RCHY1: variants seen among roughly 807,000 people sequenced by gnomAD.
The protein encoded by RCHY1 is ring finger and CHY zinc finger domain containing 1.
Under a neutral mutation model 41.6 loss-of-function variants are expected in RCHY1, and 21 were observed. That is an observed-to-expected ratio of 0.51 (90% CI 0.36 to 0.73). RCHY1 has a LOEUF of 0.73. Among genes scored for constraint, RCHY1 ranks in the 30% least tolerant of loss-of-function variants. The pLI is 0.00. For synonymous variants in RCHY1, 79 were observed against 102.9 expected (o/e 0.77, Z 1.41); for missense variants, 265 against 325.3 (o/e 0.81, Z 1.43).
intron 3 of RCHY1, among the ~76,000 whole-genome samples, chr4:75,497,714 C>T (rs545537899): frequency 2.7e-4 from 41 of 150,890 alleles, no homozygotes; most frequent in Middle Eastern, 3.4e-3. Flanking sequence ...GGAGGAGGAC[C>T]GAAAAAACAT....
intron 3 of RCHY1, among the ~76,000 whole-genome samples, chr4:75,506,804 C>T (rs1452871475): frequency 6.6e-6 from 1 of 151,868 alleles, no homozygotes; most frequent in Non-Finnish European, 1.5e-5. Context: ...GCTACAAACC[C>T]CAAGCCAGAT....
At chr4:75,493,057 A>G (rs757183752) in intron 4 of RCHY1, among the ~76,000 whole-genome samples, 1 of 151,990 alleles carries the variant, frequency 6.6e-6, no homozygotes, top group Non-Finnish European at 1.5e-5. Flanking sequence ...CACACACTAC[A>G]CATGCTTTGG....
intron 7 of RCHY1, chr4:75,491,355 A>G (rs945175828): frequency 1.5e-5 from 5 of 334,270 alleles, no homozygotes; most frequent in African/African-American, 1.1e-4. Flanking sequence ...CCTGGTATAT[A>G]TGGCCAGAAA....
chr4:75,495,158 C>T (rs1175804562), intron 3 of RCHY1, among the ~76,000 whole-genome samples: 1 of 151,792 alleles, frequency 6.6e-6, no homozygotes, highest in Admixed American at 6.6e-5. Flanking sequence ...TGTGATTTCT[C>T]TTAACTTTGT....
At chr4:75,505,413 T>G (rs1334640533) in intron 3 of RCHY1, among the ~76,000 whole-genome samples, 2 of 152,202 alleles carry the variant, frequency 1.3e-5, no homozygotes, top group African/African-American at 4.8e-5. Context: ...ATATTTACCA[T>G]GTAGCATGAG....
chr4:75,510,280 C>T (rs1047373378), intron 1 of RCHY1, among the ~76,000 whole-genome samples: 1 of 152,146 alleles, frequency 6.6e-6, no homozygotes, highest in Admixed American at 6.5e-5. Flanking sequence ...TGGAGCAAAG[C>T]CTCATCACCA....
rs184241189 is a variant in RCHY1, at chr4:75,480,068, G to C, written c.*2470C>G. ...AAGGGATGTAGATTTTATTCTTATT[G>C]TGAATGAGAAGTGTTGAAGGATTTT... is the stretch of plus-strand genomic sequence containing the variant. On this transcript the variant is annotated 3_prime_UTR_variant, in exon 9 of 9. Coordinates refer to ENST00000324439, the MANE Select transcript of RCHY1 (RefSeq NM_015436.4). The C allele has an allele frequency of 1.1e-3, 163 of 152,248 alleles. 1 individual carries two copies. The highest frequency in any genetic ancestry group is 3.8e-3 in the African/African-American group (157 of 41,556). The allele number at this position is 152,248 out of a possible 1,614,324, so 9.4% of individuals were successfully genotyped here. A position where few individuals can be genotyped will look rare whatever the true frequency, so the allele number is the denominator to read the frequency against.
In RCHY1 at chr4:75,514,261, C is replaced by T. The variant is rs376594181; in HGVS notation, c.26G>A (p.Gly9Asp). ...CTGACCTCGCTCTTGACCGCTGGCG[C>T]CATCTTCCCGGGCCGTCGCCGCCAT... MAATARED[G>D]ASGQERGQRG... Residue 9 changes from glycine (G) to aspartate (D), a missense_variant, in exon 1 of 9, where the codon GGC (glycine) becomes GAC (aspartate). Gly to Asp is a moderately conservative substitution (Grantham distance 94). Transcript: ENST00000324439. 9.9e-6 allele frequency: 16 copies of T among 1,612,750 alleles called. No homozygotes were observed. In the African/African-American group the frequency reaches 1.9e-4, roughly 19 times the overall value.
At chr4:75,498,946 C>A (rs749141111) in intron 3 of RCHY1, among the ~76,000 whole-genome samples, 9 of 152,098 alleles carry the variant, frequency 5.9e-5, no homozygotes, top group Admixed American at 2.6e-4. Context: ...GGAATTACAT[C>A]AAGCTAAAAA....
intron 1 of RCHY1, among the ~76,000 whole-genome samples, chr4:75,512,440 T>C (rs1374872339): frequency 6.6e-6 from 1 of 152,226 alleles, no homozygotes; most frequent in Non-Finnish European, 1.5e-5. Flanking sequence ...TGACAGTCTA[T>C]GTTTCTAAGG....
intron 3 of RCHY1, among the ~76,000 whole-genome samples, chr4:75,504,119 T>C (rs1394743820): frequency 1.3e-5 from 2 of 152,228 alleles, no homozygotes; most frequent in Non-Finnish European, 2.9e-5. Context: ...CTGGAATTAG[T>C]ATTGCATTTT....
chr4:75,509,293 G>C lies in RCHY1; in HGVS notation c.94C>G (p.Pro32Ala). 1 of 1,612,168 alleles carries C rather than the reference G, an allele frequency of 6.2e-7. No individual in the cohort carries two copies. The highest frequency in any genetic ancestry group is 1.1e-5 in the South Asian group (1 of 90,844). The change falls in exon 2 of 9, where the codon CCT becomes GCT. Residue 32 changes from proline to alanine, a missense_variant. Coordinates refer to ENST00000324439, the MANE Select transcript of RCHY1 (RefSeq NM_015436.4). ...CAAGTATAAAGCTTGTCACAGCAAG[G>C]TGCCTAACACCCACGGAGAAAAAAG... Reference protein sequence around the residue: ...HYDRGCLLKAPCCDKLYTCRL... With the variant: ...HYDRGCLLKAACCDKLYTCRL...
At chr4:75,505,004 G>C (rs868641549) in intron 3 of RCHY1, among the ~76,000 whole-genome samples, 6 of 152,008 alleles carry the variant, frequency 3.9e-5, no homozygotes, top group Non-Finnish European at 8.8e-5. Context: ...CTGTATATAC[G>C]GCAGCGGTCA....
intron 3 of RCHY1, among the ~76,000 whole-genome samples, chr4:75,501,869 G>C (rs945922857): frequency 3.8e-4 from 58 of 152,086 alleles, no homozygotes; most frequent in African/African-American, 1.3e-3. Flanking sequence ...ACCTGAGGTA[G>C]GGAGTTCAAG....
intron 3 of RCHY1, among the ~76,000 whole-genome samples, chr4:75,501,211 G>C (rs555125165): frequency 2.8e-4 from 42 of 152,200 alleles, no homozygotes; most frequent in Admixed American, 4.6e-4. Context: ...GTTTCTCCAT[G>C]TTGGTCAGGC....
In RCHY1 at chr4:75,509,271, G is replaced by A. The variant is rs747167027; in HGVS notation, c.116C>T (p.Thr39Ile). 18 of 1,612,864 alleles carry A rather than the reference G, an allele frequency of 1.1e-5. No individual in the cohort carries two copies. The African/African-American group carries it at 2.4e-4, about 22-fold the overall frequency. ...ATTGTTATCATGACACAAGCGGCAA[G>A]TATAAAGCTTGTCACAGCAAGGTGC... Reference protein sequence around the residue: ...LKAPCCDKLYTCRLCHDNNED... With the variant: ...LKAPCCDKLYICRLCHDNNED... The change falls in exon 2 of 9, where the codon ACT becomes ATT. Residue 39 changes from threonine (T) to isoleucine (I), a missense_variant. By Grantham distance (89) the Thr-to-Ile change is moderately conservative. Coordinates refer to ENST00000324439, the MANE Select transcript of RCHY1 (RefSeq NM_015436.4).
chr4:75,486,294 AT>A (rs538591934), intron 8 of RCHY1, among the ~76,000 whole-genome samples: 21 of 151,992 alleles, frequency 1.4e-4, no homozygotes, highest in Non-Finnish European at 2.6e-4. Context: ...CTAATTTCAA[AT>A]TTTTTTTCAG....
upstream of RCHY1, chr4:75,514,432 C>G (rs943576341): frequency 1.1e-6 from 1 of 894,498 alleles, no homozygotes; most frequent in Non-Finnish European, 1.6e-6. Flanking sequence ...CCGGGGCAGA[C>G]GGATTTCCGG....
intron 8 of RCHY1, among the ~76,000 whole-genome samples, chr4:75,484,055 A>G (rs901086926): frequency 3.3e-5 from 5 of 152,184 alleles, no homozygotes; most frequent in Non-Finnish European, 7.3e-5. Flanking sequence ...CTCTGAATCT[A>G]TTCTGGTTCA....
Sources: gnomAD v4.1 joint callset for allele counts (sites outside exome capture counted in the v4.1 genomes callset) on GRCh38, gnomAD v4.1.1 for gene constraint, MANE v1.5 for transcripts, NCBI Gene and HGNC (gene_info 2026-07-23, HGNC 2026-07-21) for gene names.